Variants in AMPH observed in about 807,000 individuals in gnomAD.
The protein encoded by AMPH is amphiphysin, also known as amphiphysin (Stiff-Mann syndrome with breast cancer 128kD autoantigen).
A neutral mutation model predicts 99.1 loss-of-function variants in AMPH; 49 were observed. The ratio of observed to expected loss-of-function variants is 0.49; its 90% confidence interval spans 0.39 to 0.63. AMPH has a LOEUF of 0.63. AMPH is among the 20% of genes least tolerant of loss of function. The pLI is 0.00. For synonymous variants in AMPH, 314 were observed against 317.3 expected (o/e 0.99, Z 0.11); for missense variants, 759 against 863.4 (o/e 0.88, Z 1.52).
intron 1 of AMPH, among the ~76,000 whole-genome samples, chr7:38,616,663 A>G (rs1793882704): frequency 6.6e-6 from 1 of 152,378 alleles, no homozygotes; most frequent in South Asian, 2.1e-4. Context: ...TCAATAAAAA[A>G]AGAAGGAACT....
intron 1 of AMPH, among the ~76,000 whole-genome samples, chr7:38,542,909 T>C (rs1267207061): frequency 2.0e-5 from 3 of 151,850 alleles, no homozygotes; most frequent in Non-Finnish European, 2.9e-5. Flanking sequence ...GCTTGGCCAA[T>C]ATGGTGAAAC....
intron 13 of AMPH, chr7:38,430,095 T>C: frequency 1.9e-6 from 1 of 521,158 alleles, no homozygotes; most frequent in Non-Finnish European, 3.3e-6. Flanking sequence ...TTTCACTTTC[T>C]AGCATCAGCA....
intron 1 of AMPH, among the ~76,000 whole-genome samples, chr7:38,611,601 T>C (rs1006045733): frequency 6.6e-6 from 1 of 152,216 alleles, no homozygotes; most frequent in African/African-American, 2.4e-5. Flanking sequence ...TCAGTCTCCA[T>C]TGCGGAAGGC....
intron 16 of AMPH, among the ~76,000 whole-genome samples, chr7:38,418,538 A>G (rs960594298): frequency 5.3e-5 from 8 of 152,248 alleles, no homozygotes; most frequent in African/African-American, 1.9e-4. Flanking sequence ...ACAGGTCACC[A>G]TGAAGCTAGT....
chr7:38,421,267 C>A (rs1246750430), intron 16 of AMPH, among the ~76,000 whole-genome samples: 2 of 152,232 alleles, frequency 1.3e-5, no homozygotes, highest in African/African-American at 2.4e-5. Context: ...TAATTATAAC[C>A]AATTGCCTTT....
chr7:38,414,089 A>G (rs535896365), intron 17 of AMPH, among the ~76,000 whole-genome samples: 2 of 152,356 alleles, frequency 1.3e-5, no homozygotes, highest in East Asian at 3.9e-4. Flanking sequence ...GGACTCAAAT[A>G]TATCTGTCAA....
intron 20 of AMPH, 47 bp downstream of exon 20, chr7:38,389,757 G>GA: frequency 2.1e-6 from 3 of 1,450,850 alleles, no homozygotes; most frequent in South Asian, 1.1e-5. Context: ...CAGACCCTCA[G>GA]AAAAAAATCA....
intron 17 of AMPH, among the ~76,000 whole-genome samples, chr7:38,412,149 C>T (rs73348860): frequency 0.021 from 3,127 of 152,092 alleles, 88 homozygotes; most frequent in African/African-American, 0.071. Context: ...TGTTTTGGAA[C>T]GAGATAGAGG....
rs556248230 is a variant in AMPH at position 38,465,376 on chromosome 7, T to C, written c.749+91A>G. The C allele has an allele frequency of 7.4e-4, 819 of 1,111,142 alleles. 2 individuals are homozygous for C. Among genetic ancestry groups the C allele is most frequent in the Non-Finnish European group, 9.3e-4 (734 of 787,228 alleles). 68.8% of individuals were successfully genotyped at this position (1,111,142 alleles called of 1,614,324 possible). A position where few individuals can be genotyped will look rare whatever the true frequency, so the allele number is the denominator to read the frequency against. ...TGAAAAGGCTCCTGTGGGACTTTTGTAGGATAAATAAAATAGTACAGGCTG... is the reference window on the plus strand; with the variant it reads ...TGAAAAGGCTCCTGTGGGACTTTTGCAGGATAAATAAAATAGTACAGGCTG... On this transcript the variant is annotated intron_variant, in intron 9 of 20. Coordinates refer to ENST00000356264, the MANE Select transcript of AMPH (RefSeq NM_001635.4).
In AMPH at chr7:38,559,429, C is replaced by T. The variant is rs150221328; in HGVS notation, c.70-24418G>A. 2.7e-3 allele frequency among the ~76,000 whole-genome samples: 411 copies of T among 152,298 alleles called. 6 individuals are homozygous for T. The highest frequency in any genetic ancestry group is 9.1e-3 in the African/African-American group (380 of 41,552). ...AGAAAGTCAGGCACACTGGGTTTCC[C>T]GATGGAATGGGGAGCCAGGGATCCC... On this transcript the variant is annotated intron_variant, in intron 1 of 20. Coordinates refer to ENST00000356264, the MANE Select transcript of AMPH (RefSeq NM_001635.4).
intron 13 of AMPH, chr7:38,431,930 A>T: frequency 2.0e-6 from 1 of 507,786 alleles, no homozygotes; most frequent in Non-Finnish European, 3.6e-6. Flanking sequence ...AAAGAAACAA[A>T]GGGCCAAACT....
At chr7:38,615,952 G>A (rs1456454609) in intron 1 of AMPH, among the ~76,000 whole-genome samples, 1 of 152,216 alleles carries the variant, frequency 6.6e-6, no homozygotes, top group African/African-American at 2.4e-5. Context: ...CTCTGCTAGA[G>A]CCAAAGATGG....
chr7:38,532,288 A>C (rs1790430449), intron 2 of AMPH, among the ~76,000 whole-genome samples: 1 of 152,178 alleles, frequency 6.6e-6, no homozygotes, highest in Admixed American at 6.6e-5. Context: ...TTTCTAATTA[A>C]AAAAGATCAA....
intron 7 of AMPH, among the ~76,000 whole-genome samples, chr7:38,474,445 T>C (rs1426780846): frequency 6.6e-6 from 1 of 152,126 alleles, no homozygotes; most frequent in Non-Finnish European, 1.5e-5. Context: ...GTGCCTTTTA[T>C]TGGCAAAAAT....
At chr7:38,594,050 T>C (rs1312012763) in intron 1 of AMPH, among the ~76,000 whole-genome samples, 2 of 151,978 alleles carry the variant, frequency 1.3e-5, no homozygotes, top group African/African-American at 4.8e-5. Context: ...AGCATGCTGG[T>C]GGTCGTGTGG....
chr7:38,534,246 C>A (rs1316784858), intron 2 of AMPH, among the ~76,000 whole-genome samples: 2 of 151,972 alleles, frequency 1.3e-5, no homozygotes, highest in Admixed American at 1.3e-4. Context: ...ATCCCTGTTG[C>A]GAATGCATGC....
chr7:38,525,258 G>GTGTATATATATATA (rs1173107719), intron 2 of AMPH, among the ~76,000 whole-genome samples: 10 of 111,198 alleles, frequency 9.0e-5, no homozygotes, highest in African/African-American at 3.6e-4. Context: ...GTGTGTGTGT[G>GTGTATATATATATA]TATATATATA....
chr7:38,563,463 C>T (rs1352126008), intron 1 of AMPH, among the ~76,000 whole-genome samples: 1 of 152,144 alleles, frequency 6.6e-6, no homozygotes, highest in Non-Finnish European at 1.5e-5. Context: ...AAAGGAAAGG[C>T]CTGACTTAAG....
intron 9 of AMPH, among the ~76,000 whole-genome samples, chr7:38,464,661 T>G (rs1321864673): frequency 6.6e-6 from 1 of 152,204 alleles, no homozygotes; most frequent in Non-Finnish European, 1.5e-5. Flanking sequence ...TAGTATCTTT[T>G]TTTTTCTATT....
Sources: allele counts gnomAD v4.1 joint callset (sites outside exome capture counted in the v4.1 genomes callset), GRCh38; gene constraint gnomAD v4.1.1; transcripts MANE v1.5; gene names NCBI Gene and HGNC (gene_info 2026-07-23, HGNC 2026-07-21).